The following KCNH7 variants were observed in gnomAD, a reference collection of about 807,000 sequenced individuals.
KCNH7 encodes the protein potassium voltage-gated channel subfamily H member 7.
KCNH7 carries 49 observed loss-of-function variants against 120.8 expected under a neutral mutation model. That is an observed-to-expected ratio of 0.41 (90% CI 0.32 to 0.51). The LOEUF (loss-of-function observed/expected upper bound fraction) is 0.51. Ranked by LOEUF, KCNH7 falls within the 20% of genes least tolerant of loss-of-function variation. The pLI is 0.38. For missense variants in KCNH7, 1,097 were observed against 1,446.6 expected (o/e 0.76, Z 3.92); for synonymous variants, 547 against 516.1 (o/e 1.06, Z -0.81).
chr2:162,687,881 T>C (rs1030783815), intron 2 of KCNH7, among the ~76,000 whole-genome samples: 4 of 152,172 alleles, frequency 2.6e-5, no homozygotes, highest in Admixed American at 6.6e-5. Context: ...ATAAAAACTA[T>C]GTGTATGTAC....
intron 6 of KCNH7, among the ~76,000 whole-genome samples, chr2:162,490,963 C>A (rs958560716): frequency 1.3e-5 from 2 of 152,236 alleles, no homozygotes; most frequent in Non-Finnish European, 2.9e-5. Context: ...GCACTCCCTG[C>A]TCCAACCTCC....
intron 2 of KCNH7, among the ~76,000 whole-genome samples, chr2:162,602,322 C>G (rs188432712): frequency 1.3e-5 from 2 of 152,152 alleles, no homozygotes; most frequent in East Asian, 3.9e-4. Flanking sequence ...CCAAGAAAGT[C>G]TGAGGCATGG....
At chr2:162,560,784 A>G (rs1032181493) in intron 2 of KCNH7, among the ~76,000 whole-genome samples, 6 of 152,224 alleles carry the variant, frequency 3.9e-5, no homozygotes, top group African/African-American at 9.7e-5. Flanking sequence ...TTCAAAATAA[A>G]TATAGTTTTA....
At chr2:162,608,513 G>T (rs1682857415) in intron 2 of KCNH7, among the ~76,000 whole-genome samples, 1 of 152,146 alleles carries the variant, frequency 6.6e-6, no homozygotes, top group Non-Finnish European at 1.5e-5. Flanking sequence ...ACTTTGTGGA[G>T]TTATCAAAAT....
At chr2:162,592,522 GGCATAGAAATTTA>G (rs897949036) in intron 2 of KCNH7, among the ~76,000 whole-genome samples, 1 of 152,006 alleles carries the variant, frequency 6.6e-6, no homozygotes, top group African/African-American at 2.4e-5. Flanking sequence ...GCTATGGGCA[GGCATAGAAATTTA>G]GCAGCATGAA....
intron 2 of KCNH7, among the ~76,000 whole-genome samples, chr2:162,787,558 C>T (rs74575598): frequency 0.035 from 5,403 of 152,200 alleles, 129 homozygotes; most frequent in Non-Finnish European, 0.055. Flanking sequence ...GACATCAGGC[C>T]CATCCCTCTG....
rs188735522 is a variant in KCNH7 at position 162,388,201 on chromosome 2, A to C, written c.2711-3262T>G. Among the ~76,000 whole-genome samples, 272 of 151,976 alleles carry C rather than the reference A, an allele frequency of 1.8e-3. 1 individual carries two copies. The highest frequency in any genetic ancestry group is 6.0e-3 in the African/African-American group (251 of 41,550). On this transcript the variant is annotated intron_variant, in intron 12 of 15. Transcript: ENST00000332142. The stretch of plus-strand genomic sequence containing the variant: ...AAAAATTAACAATTTAAAAAATTAA[A>C]ATAAAGAAAAGATGGATATTGGTTT...
chr2:162,438,575 T>C (rs559817773), intron 7 of KCNH7, among the ~76,000 whole-genome samples: 1 of 152,280 alleles, frequency 6.6e-6, no homozygotes, highest in South Asian at 2.1e-4. Context: ...AAGTAGTAAT[T>C]ATGTCTCTCA....
chr2:162,447,242 GT>G (rs1280401841), intron 6 of KCNH7, among the ~76,000 whole-genome samples: 2 of 151,966 alleles, frequency 1.3e-5, no homozygotes, highest in Non-Finnish European at 1.5e-5. Context: ...AACTAAAACA[GT>G]TCACCTTTTA....
chr2:162,695,364 G>T (rs2105334598), intron 2 of KCNH7, among the ~76,000 whole-genome samples: 1 of 152,162 alleles, frequency 6.6e-6, no homozygotes, highest in Middle Eastern at 3.4e-3. Flanking sequence ...TTTCAAATTT[G>T]CCCAAATCCC....
chr2:162,763,442 C>T (rs1286881961), intron 2 of KCNH7, among the ~76,000 whole-genome samples: 1 of 152,122 alleles, frequency 6.6e-6, no homozygotes, highest in African/African-American at 2.4e-5. Context: ...CTATCTGAAA[C>T]TGCCAATTAC....
intron 2 of KCNH7, among the ~76,000 whole-genome samples, chr2:162,591,573 G>T (rs1462308471): frequency 1.3e-5 from 2 of 152,012 alleles, no homozygotes; most frequent in Admixed American, 6.6e-5. Flanking sequence ...CAATTAATTT[G>T]CATGCAGTGG....
In KCNH7 at chr2:162,621,389, C is replaced by T. The variant is rs1683353724; in HGVS notation, c.308-84309G>A. Reference sequence around the variant, plus strand: ...GACTTGCTTCTCAACTGAGAACACTCCTTTTCTCTGCCACACTCAACATTG... The same window carrying T: ...GACTTGCTTCTCAACTGAGAACACTTCTTTTCTCTGCCACACTCAACATTG... On this transcript the variant is annotated intron_variant, in intron 2 of 15. Transcript: ENST00000332142. Among the ~76,000 whole-genome samples, 3 of 149,964 alleles carry T rather than the reference C, an allele frequency of 2.0e-5. No homozygotes were observed. In the South Asian group the frequency reaches 6.4e-4, roughly 32 times the overall value.
At chr2:162,656,103 TG>T (rs1421479513) in intron 2 of KCNH7, among the ~76,000 whole-genome samples, 2 of 152,190 alleles carry the variant, frequency 1.3e-5, no homozygotes, top group African/African-American at 4.8e-5. Context: ...TTGTAAAACA[TG>T]AAAGTCAAGC....
chr2:162,689,042 T>G (rs75899407), intron 2 of KCNH7, among the ~76,000 whole-genome samples: 25,690 of 151,898 alleles, frequency 0.17, 2,512 homozygotes, highest in East Asian at 0.46. Context: ...CCAAGTCACT[T>G]TCTGGCACAT....
intron 6 of KCNH7, among the ~76,000 whole-genome samples, chr2:162,501,434 G>A (rs1009284623): frequency 3.9e-5 from 6 of 152,068 alleles, no homozygotes; most frequent in African/African-American, 1.4e-4. Context: ...TTTGTGGGAA[G>A]CATAAGAAGC....
intron 3 of KCNH7, 31 bp from the exon 4 acceptor site, chr2:162,518,189 A>G (rs775296657): frequency 1.3e-6 from 2 of 1,494,268 alleles, no homozygotes; most frequent in South Asian, 1.2e-5. Flanking sequence ...GAGCATTATT[A>G]TAAGGCAAAT....
At chr2:162,595,241 G>T (rs1694340223) in intron 2 of KCNH7, among the ~76,000 whole-genome samples, 1 of 151,878 alleles carries the variant, frequency 6.6e-6, no homozygotes, top group Admixed American at 6.6e-5. Flanking sequence ...GTGCAAGCAG[G>T]GGGAAATTCC....
intron 2 of KCNH7, among the ~76,000 whole-genome samples, chr2:162,592,103 T>C (rs940188930): frequency 1.3e-5 from 2 of 152,058 alleles, no homozygotes; most frequent in African/African-American, 2.4e-5. Flanking sequence ...AACAAAAATA[T>C]AGGCAAAGAA....
Sources: gnomAD v4.1 joint callset for allele counts (sites outside exome capture counted in the v4.1 genomes callset) on GRCh38, gnomAD v4.1.1 for gene constraint, MANE v1.5 for transcripts, NCBI Gene and HGNC (gene_info 2026-07-23, HGNC 2026-07-21) for gene names.